TARS2: variants seen among roughly 807,000 people sequenced by gnomAD.
TARS2 encodes the protein threonine--tRNA ligase, mitochondrial.
Under a neutral mutation model 94.4 loss-of-function variants are expected in TARS2, and 61 were observed. The ratio of observed to expected loss-of-function variants is 0.65; its 90% CI spans 0.53 to 0.80. The LOEUF (loss-of-function observed/expected upper bound fraction) is 0.80. Among genes scored for constraint, TARS2 ranks in the 30% least tolerant of loss-of-function variants. The pLI is 0.00. For synonymous variants in TARS2, 359 were observed against 353.4 expected, an observed-to-expected ratio of 1.02 and a Z score of -0.18; for missense variants, 704 against 902.5, an observed-to-expected ratio of 0.78 and a Z score of 2.82.
chr1:150,492,740 G>C (rs587721411), intron 7 of TARS2, among the ~76,000 whole-genome samples: 1 of 146,338 alleles, frequency 6.8e-6, no homozygotes, highest in Non-Finnish European at 1.5e-5. Flanking sequence ...AACCTGGGAG[G>C]CGGAGGTTGT....
intron 14 of TARS2, 50 bp from the exon 15 acceptor site, chr1:150,504,582 A>G (rs1237195811): frequency 1.9e-6 from 3 of 1,597,294 alleles, no homozygotes; most frequent in African/African-American, 1.3e-5. Flanking sequence ...TGGGTACACA[A>G]TTCGTGATAC....
intron 2 of TARS2, chr1:150,488,658 G>A (rs1669252320): frequency 7.9e-6 from 2 of 252,642 alleles, no homozygotes; most frequent in East Asian, 8.9e-5. Flanking sequence ...TCTTTGTGTT[G>A]GGACTATTTC....
At chr1:150,496,406 A>T in intron 7 of TARS2, 76 bp from the exon 8 acceptor site, 2 of 1,507,474 alleles carry the variant, frequency 1.3e-6, no homozygotes, top group Non-Finnish European at 1.8e-6. Flanking sequence ...TAACACTGAG[A>T]GTATCATTTG....
chr1:150,506,574 G>C (rs868523074), intron 17 of TARS2, among the ~76,000 whole-genome samples: 20 of 109,044 alleles, frequency 1.8e-4, no homozygotes, highest in African/African-American at 5.6e-4. Context: ...TAATGTCTCT[G>C]ACACACACAC....
rs74443150 is a variant in TARS2 at position 150,506,959 on chromosome 1, G to C, written c.2052G>C (p.Arg684=). 9.6e-5 allele frequency: 155 copies of C among 1,614,116 alleles called. 1 individual carries two copies. The East Asian group carries it at 3.3e-3, about 35-fold the overall frequency. Residue 684 remains arginine (R), a synonymous_variant, in exon 18 of 18, where the codon CGG becomes CGC. Coordinates refer to ENST00000369064, the MANE Select transcript of TARS2 (RefSeq NM_025150.5). ...AAAGTAAGAGAACAGTGAACATTCGGACTCGAGATAATCGTCGCCTTGGGG... is the reference window on the plus strand; with the variant it reads ...AAAGTAAGAGAACAGTGAACATTCGCACTCGAGATAATCGTCGCCTTGGGG... ...KEQSKRTVNI[R]TRDNRRLGEW... is the part of the protein sequence containing the mutation.
rs776715197 is a variant in TARS2 at position 150,491,514 on chromosome 1, G to T, written c.630+3G>T. 2 of 1,614,186 alleles carry T rather than the reference G, an allele frequency of 1.2e-6. No homozygotes were observed. Among genetic ancestry groups the T allele is most frequent in the South Asian group, 2.2e-5 (2 of 91,080 alleles). ...ATCAGCTTCGCCAGTTGTTCAAGGT[G>T]GGGTGGAGGGAAGAGGTGGCTCTTC... On this transcript the variant is annotated splice_donor_region_variant and intron_variant, in intron 5 of 17. Coordinates refer to ENST00000369064, the MANE Select transcript of TARS2 (RefSeq NM_025150.5).
intron 7 of TARS2, among the ~76,000 whole-genome samples, chr1:150,494,146 C>G (rs1669533809): frequency 6.6e-6 from 1 of 152,052 alleles, no homozygotes; most frequent in African/African-American, 2.4e-5. Context: ...GCAGGCGGAT[C>G]ACTTGAGGTC....
chr1:150,487,458 T>G lies in TARS2; in HGVS notation c.8T>G (p.Leu3Arg), dbSNP rs955443982. Residue 3 changes from leucine to arginine, a missense_variant, in exon 1 of 18, where the codon CTG (leucine) becomes CGG (arginine). Around this residue, in one of 3 missense-constraint regions of TARS2, gnomAD observed 208 missense variants for 228.5 expected, o/e 0.91. Transcript: ENST00000369064. The stretch of plus-strand genomic sequence containing the variant: ...GCACTGGTGTGAAGGAACATGGCCC[T>G]GTATCAGAGGTGGCGGTGTCTCCGG... The part of the protein sequence containing the change: MA[L>R]YQRWRCLRLQ... The G allele has an allele frequency of 1.9e-6, 3 of 1,614,232 alleles. No individual in the cohort carries two copies. The highest frequency in any genetic ancestry group is 1.3e-5 in the African/African-American group (1 of 75,056).
At position 150,507,127 on chromosome 1, in the gene TARS2, C is replaced by G; in HGVS notation, c.*63C>G. The G allele has an allele frequency of 1.3e-6, 2 of 1,594,704 alleles. No individual in the cohort carries two copies. The highest frequency in any genetic ancestry group is 1.7e-6 in the Non-Finnish European group (2 of 1,168,540). On this transcript the variant is annotated 3_prime_UTR_variant, in exon 18 of 18. Coordinates refer to ENST00000369064, the MANE Select transcript of TARS2 (RefSeq NM_025150.5). ...CATCAGCCTCCCTCACATGGGAGAC[C>G]CCAACCCAGCTGACAATGTGGAGCC...
intron 7 of TARS2, among the ~76,000 whole-genome samples, chr1:150,493,074 G>C (rs909411504): frequency 1.2e-4 from 18 of 151,878 alleles, no homozygotes; most frequent in Admixed American, 6.6e-4. Context: ...GTAGAGACAG[G>C]GTTTCACCAT....
In TARS2 at chr1:150,496,618, G is replaced by A. The variant is rs201680083; in HGVS notation, c.911G>A (p.Arg304His). The A allele has an allele frequency of 2.5e-5, 41 of 1,613,302 alleles. 1 individual carries two copies. The Admixed American group carries it at 4.2e-4, about 16-fold the overall frequency. The change falls in exon 8 of 18, where the codon CGC (arginine) becomes CAC (histidine). Residue 304 changes from arginine to histidine, a missense_variant. Around this residue, in one of 3 missense-constraint regions of TARS2, gnomAD observed 466 missense variants for 609.5 expected, o/e 0.76. Coordinates refer to ENST00000369064, the MANE Select transcript of TARS2 (RefSeq NM_025150.5). Reference protein sequence around the residue: ...REEAELRDHRRIGKEQELFFF... With the variant: ...REEAELRDHRHIGKEQELFFF... ...GAAGCAGAATTGCGGGACCACCGGC[G>A]CATTGGGAAGGTACAGGAATTGGGA...
In TARS2 at chr1:150,504,931, G is replaced by A. The variant is rs1320759350; in HGVS notation, c.1846G>A (p.Val616Met). Reference sequence around the variant, plus strand: ...GCCACTGTGGCTGTCCCCGTTCCAGGTGGTGGTCATCCCTGTGGGGAGTGA... The same window carrying A: ...GCCACTGTGGCTGTCCCCGTTCCAGATGGTGGTCATCCCTGTGGGGAGTGA... ...KWPLWLSPFQVVVIPVGSEQE... is the reference protein window; with the variant it reads ...KWPLWLSPFQMVVIPVGSEQE... The change falls in exon 16 of 18, where the codon GTG (valine) becomes ATG (methionine). Residue 616 changes from valine to methionine, a missense_variant. Val to Met is a conservative substitution (Grantham distance 21). Transcript: ENST00000369064. 1 of 1,614,216 alleles carries A rather than the reference G, an allele frequency of 6.2e-7. No individual in the cohort carries two copies.
rs587747347 is a variant in TARS2, at chr1:150,506,719, C to T, written c.2009-197C>T. On this transcript the variant is annotated intron_variant, in intron 17 of 17. Transcript: ENST00000369064. ...AGGCCTGCGGGGACTGAAGCACTTC[C>T]TTGTCTCCTCAGGATGAGCAGGACT... is the stretch of plus-strand genomic sequence containing the variant. 1.6e-4 allele frequency among the ~76,000 whole-genome samples: 24 copies of T among 152,018 alleles called. 1 individual carries two copies. In the East Asian group the frequency reaches 4.7e-3, roughly 30 times the overall value.
chr1:150,503,675 GTA>G (rs1410582597), intron 13 of TARS2, among the ~76,000 whole-genome samples: 2 of 118,210 alleles, frequency 1.7e-5, no homozygotes, highest in Admixed American at 1.1e-4. Flanking sequence ...ATATATGTGT[GTA>G]TATATGTGTA....
intron 2 of TARS2, 148 bp downstream of exon 2, chr1:150,488,202 G>A: frequency 1.0e-6 from 1 of 990,070 alleles, no homozygotes; most frequent in African/African-American, 1.6e-5. Context: ...TTTGTTTTTT[G>A]TTGTTGTTCT....
rs757011101 is a variant in TARS2 at position 150,507,119 on chromosome 1, T to C, written c.*55T>C. On this transcript the variant is annotated 3_prime_UTR_variant, in exon 18 of 18. Transcript: ENST00000369064. ...GCGAGTGCCATCAGCCTCCCTCACA[T>C]GGGAGACCCCAACCCAGCTGACAAT... is the stretch of plus-strand genomic sequence containing the variant. 192 of 1,604,456 alleles carry C rather than the reference T, an allele frequency of 1.2e-4. No homozygotes were observed. The highest frequency in any genetic ancestry group is 1.6e-4 in the Non-Finnish European group (185 of 1,174,484).
intron 13 of TARS2, among the ~76,000 whole-genome samples, chr1:150,503,790 C>T (rs1670072939): frequency 6.6e-6 from 1 of 150,554 alleles, no homozygotes; most frequent in Non-Finnish European, 1.5e-5. Context: ...GTAGTCCCAG[C>T]TACTCAGGAG....
intron 7 of TARS2, among the ~76,000 whole-genome samples, chr1:150,495,106 G>T (rs587597797): frequency 3.9e-5 from 6 of 151,954 alleles, no homozygotes; most frequent in Admixed American, 6.6e-5. Flanking sequence ...GTGAACCCTG[G>T]GGGGTGGAGC....
chr1:150,496,771 G>A (rs771591240), intron 8 of TARS2, 39 bp from the exon 9 acceptor site: 2 of 1,611,708 alleles, frequency 1.2e-6, no homozygotes, highest in Non-Finnish European at 1.7e-6. Flanking sequence ...CCACCTCCTT[G>A]CCCTTGAGGT....
Sources: gnomAD v4.1 joint callset for allele counts (sites outside exome capture counted in the v4.1 genomes callset) on GRCh38, gnomAD v4.1.1 for gene constraint, gnomAD v4.1.1 regional missense constraint, MANE v1.5 for transcripts, NCBI Gene and HGNC (gene_info 2026-07-23, HGNC 2026-07-21) for gene names.